Variants in CLVS1 observed in about 807,000 individuals in gnomAD.
The protein encoded by CLVS1 is clavesin-1.
Under a neutral mutation model 33.1 loss-of-function variants are expected in CLVS1, and 10 were observed. The ratio of observed to expected loss-of-function variants is 0.30; its 90% CI spans 0.19 to 0.51. The LOEUF (loss-of-function observed/expected upper bound fraction) is 0.51, where lower values mean the gene tolerates loss of function less well. Among genes scored for constraint, CLVS1 ranks in the 20% least tolerant of loss-of-function variants. The pLI is 0.97. For missense variants in CLVS1, 343 were observed against 433.4 expected (o/e 0.79, Z 1.85); for synonymous variants, 163 against 166.1 (o/e 0.98, Z 0.14).
At chr8:61,206,350 T>C (rs1264368214) in intron 2 of CLVS1, among the ~76,000 whole-genome samples, 2 of 152,068 alleles carry the variant, frequency 1.3e-5, no homozygotes, top group Non-Finnish European at 2.9e-5. Context: ...GTGCAGTAGG[T>C]TTGGAGCAGG....
chr8:61,237,009 C>T (rs575882648), intron 2 of CLVS1, among the ~76,000 whole-genome samples: 1 of 152,316 alleles, frequency 6.6e-6, no homozygotes, highest in African/African-American at 2.4e-5. Flanking sequence ...GGCTCAGAAA[C>T]ACTTAAATCC....
intron 1 of CLVS1, among the ~76,000 whole-genome samples, chr8:61,064,346 C>A (rs192934619): frequency 6.6e-6 from 1 of 152,128 alleles, no homozygotes; most frequent in Non-Finnish European, 1.5e-5. Context: ...CAATGAAGTA[C>A]GAGGATTCCA....
chr8:61,031,532 T>C, the CLVS1 span, among the ~76,000 whole-genome samples: 113,484 of 152,204 alleles, frequency 0.75, 42,419 homozygotes, highest in Middle Eastern at 0.88. Flanking sequence ...TTACAATGCC[T>C]CCATTTTCCT....
At chr8:61,436,158 G>A (rs1181389134) in intron 3 of CLVS1, among the ~76,000 whole-genome samples, 1 of 152,060 alleles carries the variant, frequency 6.6e-6, no homozygotes, top group African/African-American at 2.4e-5. Context: ...CCTCATCCTT[G>A]AAAAAAGTCA....
chr8:61,017,763 C>T, the CLVS1 span, among the ~76,000 whole-genome samples: 2 of 152,086 alleles, frequency 1.3e-5, no homozygotes, highest in Non-Finnish European at 2.9e-5. Context: ...GGTGAGGAAC[C>T]CTGGTCTGAG....
chr8:60,987,165 C>A, the CLVS1 span, among the ~76,000 whole-genome samples: 4 of 152,144 alleles, frequency 2.6e-5, no homozygotes, highest in Non-Finnish European at 2.9e-5. Flanking sequence ...AGGGAGATGC[C>A]CAGGGTACTG....
chr8:61,034,273 G>T, the CLVS1 span, among the ~76,000 whole-genome samples: 90 of 152,076 alleles, frequency 5.9e-4, no homozygotes, highest in South Asian at 3.9e-3. Context: ...AATTATAATT[G>T]TATATGTTAA....
chr8:61,138,769 C>A (rs1332198116), intron 2 of CLVS1, among the ~76,000 whole-genome samples: 2 of 152,142 alleles, frequency 1.3e-5, no homozygotes, highest in Non-Finnish European at 2.9e-5. Context: ...CTGGGAGTGC[C>A]CCATAGAGCT....
chr8:61,285,087 T>C (rs1563476800), upstream of CLVS1, among the ~76,000 whole-genome samples: 2 of 151,058 alleles, frequency 1.3e-5, no homozygotes, highest in African/African-American at 4.9e-5. Flanking sequence ...GAGATTGGAC[T>C]AAAAAAAAAG....
chr8:61,103,952 C>T (rs1343816946), intron 1 of CLVS1, among the ~76,000 whole-genome samples: 1 of 152,186 alleles, frequency 6.6e-6, no homozygotes. Context: ...ACACTAACTA[C>T]AAAGTCTTTG....
chr8:61,186,498 G>A (rs1374884553), intron 2 of CLVS1, among the ~76,000 whole-genome samples: 1 of 152,122 alleles, frequency 6.6e-6, no homozygotes, highest in Non-Finnish European at 1.5e-5. Flanking sequence ...GATGAGAGAG[G>A]GAAGAAAGTG....
At chr8:61,411,427 T>A (rs1446434702) in intron 3 of CLVS1, among the ~76,000 whole-genome samples, 1 of 151,446 alleles carries the variant, frequency 6.6e-6, no homozygotes, top group Non-Finnish European at 1.5e-5. Context: ...AGAGGCTGGG[T>A]GGGATAGAGA....
In CLVS1 at chr8:61,301,848, C is replaced by G. The variant is rs75142319; in HGVS notation, c.455+1566C>G. 3.3e-3 allele frequency among the ~76,000 whole-genome samples: 505 copies of G among 152,220 alleles called. 3 individuals carry two copies. Among genetic ancestry groups the G allele is most frequent in the African/African-American group, 0.012 (478 of 41,536 alleles). On this transcript the variant is annotated intron_variant, in intron 2 of 5. Transcript: ENST00000325897. ...GTTCCTTGAGGGCAGGAGATCATGC[C>G]TTTTTCATGTTTATGTCTTTGGTGC...
At chr8:61,288,563 G>C (rs1257651533) in intron 1 of CLVS1, among the ~76,000 whole-genome samples, 1 of 152,244 alleles carries the variant, frequency 6.6e-6, no homozygotes, top group Non-Finnish European at 1.5e-5. Context: ...TTGCGAGAAA[G>C]GGAAAGTGAA....
chr8:61,295,688 T>C (rs917059712), intron 1 of CLVS1, among the ~76,000 whole-genome samples: 2 of 152,096 alleles, frequency 1.3e-5, no homozygotes, highest in African/African-American at 4.8e-5. Context: ...AGCATAACAG[T>C]AAAGAGCATG....
At chr8:61,040,382 C>T in the CLVS1 span, among the ~76,000 whole-genome samples, 7 of 152,194 alleles carry the variant, frequency 4.6e-5, no homozygotes, top group African/African-American at 1.4e-4. Context: ...AATGGTAGTT[C>T]TGTTTTTAGT....
chr8:61,473,180 A>C (rs778389396), intron 5 of CLVS1, among the ~76,000 whole-genome samples: 1 of 152,002 alleles, frequency 6.6e-6, no homozygotes, highest in Non-Finnish European at 1.5e-5. Context: ...AAAGGGAGGC[A>C]TGGGGGTGGG....
At chr8:60,966,827 C>T in the CLVS1 span, among the ~76,000 whole-genome samples, 1 of 152,086 alleles carries the variant, frequency 6.6e-6, no homozygotes, top group Non-Finnish European at 1.5e-5. Flanking sequence ...TTTTACGTTT[C>T]CAGGCACAAA....
chr8:61,327,411 T>G (rs1212663947), intron 2 of CLVS1, among the ~76,000 whole-genome samples: 2 of 152,162 alleles, frequency 1.3e-5, no homozygotes, highest in African/African-American at 4.8e-5. Flanking sequence ...AATTTCAAAT[T>G]ACTTTTAGTA....
Sources: gnomAD v4.1 joint callset for allele counts (sites outside exome capture counted in the v4.1 genomes callset) on GRCh38, gnomAD v4.1.1 for gene constraint, MANE v1.5 for transcripts, NCBI Gene and HGNC (gene_info 2026-07-23, HGNC 2026-07-21) for gene names.